Variants in ANO3 observed in about 807,000 individuals in gnomAD.
ANO3 encodes anoctamin-3.
In ANO3, 99 loss-of-function variants were observed where a neutral mutation model predicts 144.8. That is an observed-to-expected ratio of 0.68 (90% CI 0.58 to 0.81). ANO3 has a LOEUF of 0.81. Ranked by LOEUF, ANO3 falls within the 30% of genes least tolerant of loss-of-function variation. ANO3 has a pLI of 0.00. For synonymous variants in ANO3, 414 were observed against 392.6 expected (o/e 1.05, Z -0.64); for missense variants, 905 against 1,202.2 (o/e 0.75, Z 3.66).
chr11:26,545,452 C>A (rs1320588674), intron 11 of ANO3, among the ~76,000 whole-genome samples: 1 of 152,010 alleles, frequency 6.6e-6, no homozygotes, highest in Non-Finnish European at 1.5e-5. Context: ...TAGTTGCAAT[C>A]TGTTTTTCCA....
chr11:26,559,827 TTC>T (rs1183942994), intron 14 of ANO3, 48 bp downstream of exon 14: 3 of 1,175,930 alleles, frequency 2.6e-6, no homozygotes, highest in Non-Finnish European at 3.8e-6. Flanking sequence ...CTGAAGCTGT[TTC>T]TGTGTTACAC....
At chr11:26,476,579 T>C (rs1361647994) in intron 4 of ANO3, among the ~76,000 whole-genome samples, 2 of 151,974 alleles carry the variant, frequency 1.3e-5, no homozygotes, top group Non-Finnish European at 2.9e-5. Flanking sequence ...AGTTTGAATT[T>C]GATTCTAAGT....
At chr11:26,579,673 CCTCACTTTTTGTTTGT>C (rs1455400307) in intron 14 of ANO3, among the ~76,000 whole-genome samples, 2 of 152,162 alleles carry the variant, frequency 1.3e-5, no homozygotes, top group East Asian at 3.9e-4. Context: ...TATTTATCTG[CCTCACTTTTTGTTTGT>C]TTAAAAAGCA....
chr11:26,464,013 A>G (rs1859510164), intron 4 of ANO3, among the ~76,000 whole-genome samples: 2 of 151,820 alleles, frequency 1.3e-5, no homozygotes, highest in South Asian at 4.1e-4. Context: ...TTTTCACTGC[A>G]TGGCTAATAA....
intron 13 of ANO3, chr11:26,559,480 A>G (rs559506083): frequency 2.0e-5 from 9 of 446,366 alleles, no homozygotes; most frequent in Admixed American, 3.5e-5. Flanking sequence ...ATGGTGGGGT[A>G]TAAAGGGAAT....
intron 1 of ANO3, among the ~76,000 whole-genome samples, chr11:26,260,632 G>T (rs550536576): frequency 4.3e-4 from 66 of 152,090 alleles, no homozygotes; most frequent in Non-Finnish European, 5.7e-4. Context: ...CTTAACCAAG[G>T]TATGTGATTC....
At chr11:26,428,100 A>G (rs548524150) in intron 1 of ANO3, among the ~76,000 whole-genome samples, 1 of 152,324 alleles carries the variant, frequency 6.6e-6, no homozygotes, top group African/African-American at 2.4e-5. Flanking sequence ...CTTGAATCCT[A>G]TAAAAGTTAC....
At chr11:26,577,564 CAAAA>C (rs56856563) in intron 14 of ANO3, among the ~76,000 whole-genome samples, 8 of 129,800 alleles carry the variant, frequency 6.2e-5, no homozygotes, top group Non-Finnish European at 8.1e-5. Context: ...GACTCCGTCT[CAAAA>C]AAAAAAAAAA....
intron 1 of ANO3, among the ~76,000 whole-genome samples, chr11:26,418,981 A>G (rs1857674759): frequency 6.6e-6 from 1 of 152,140 alleles, no homozygotes. Context: ...ACTGCTATAA[A>G]GAAATACCTA....
In ANO3 at chr11:26,662,846, G is replaced by A. The variant is rs1853918620; in HGVS notation, c.*2402G>A. The A allele has an allele frequency of 6.6e-6, 1 of 152,326 alleles. No individual in the cohort carries two copies. Among genetic ancestry groups the A allele is most frequent in the South Asian group, 2.1e-4 (1 of 4,828 alleles). 9.4% of individuals were successfully genotyped at this position (152,326 alleles called of 1,614,324 possible). A position where few individuals can be genotyped will look rare whatever the true frequency, so the allele number is the denominator to read the frequency against. ...AGCCCCTTGCAGTGTGTTAGTTTTA[G>A]ATCACTCTGTTTTAGTTGAGAGAAA... On this transcript the variant is annotated 3_prime_UTR_variant, in exon 27 of 27. Coordinates refer to ENST00000256737, the MANE Select transcript of ANO3 (RefSeq NM_031418.4).
intron 1 of ANO3, among the ~76,000 whole-genome samples, chr11:26,422,360 C>G (rs1857777382): frequency 6.6e-6 from 1 of 152,006 alleles, no homozygotes; most frequent in Non-Finnish European, 1.5e-5. Context: ...TGAATAGCAG[C>G]TTCTCCTCCT....
At chr11:26,305,018 A>T (rs114378626), upstream of ANO3, among the ~76,000 whole-genome samples, 7,336 of 151,378 alleles carry the variant, frequency 0.048, 430 homozygotes, top group African/African-American at 0.14. Flanking sequence ...GCTTTTTTTT[A>T]AAAAAAAGAA....
intron 5 of ANO3, among the ~76,000 whole-genome samples, chr11:26,509,629 A>C (rs1861577863): frequency 1.3e-5 from 2 of 152,056 alleles, no homozygotes; most frequent in South Asian, 4.1e-4. Flanking sequence ...TTGGGTTTTA[A>C]CTAGTTTTGT....
At chr11:26,463,290 A>C (rs1177035628) in intron 4 of ANO3, 142 bp downstream of exon 4, 3 of 454,836 alleles carry the variant, frequency 6.6e-6, no homozygotes, top group African/African-American at 6.1e-5. Context: ...ACTCAGAAGC[A>C]AAAAGTTGTA....
At chr11:26,302,590 C>T (rs1854262102) in intron 1 of ANO3, among the ~76,000 whole-genome samples, 1 of 152,074 alleles carries the variant, frequency 6.6e-6, no homozygotes, top group Non-Finnish European at 1.5e-5. Context: ...ACAAATATTA[C>T]TTTCAAACTA....
intron 4 of ANO3, among the ~76,000 whole-genome samples, chr11:26,494,255 T>G (rs943256475): frequency 2.0e-5 from 3 of 151,674 alleles, no homozygotes; most frequent in African/African-American, 7.3e-5. Flanking sequence ...TAATTAAAAT[T>G]TGAGAAAGAA....
chr11:26,365,543 A>G (rs1856044843), intron 1 of ANO3, among the ~76,000 whole-genome samples: 1 of 152,204 alleles, frequency 6.6e-6, no homozygotes, highest in African/African-American at 2.4e-5. Context: ...CTAAAATCCA[A>G]GTGGAGGATG....
intron 1 of ANO3, among the ~76,000 whole-genome samples, chr11:26,321,545 T>C (rs1590258682): frequency 6.6e-6 from 1 of 152,066 alleles, no homozygotes; most frequent in Non-Finnish European, 1.5e-5. Context: ...TAATCTATTT[T>C]AATAAAACAA....
intron 1 of ANO3, among the ~76,000 whole-genome samples, chr11:26,411,290 C>T (rs1196897906): frequency 6.6e-6 from 1 of 151,746 alleles, no homozygotes; most frequent in African/African-American, 2.4e-5. Context: ...AAATGTAAAG[C>T]TATAGTCAAG....
Sources: allele counts gnomAD v4.1 joint callset (sites outside exome capture counted in the v4.1 genomes callset), GRCh38; gene constraint gnomAD v4.1.1; transcripts MANE v1.5; gene names NCBI Gene and HGNC (gene_info 2026-07-23, HGNC 2026-07-21).